The following CCPG1 variants were observed in gnomAD, a reference collection of about 807,000 sequenced individuals.
CCPG1 encodes cell cycle progression 1.
In CCPG1, 46 loss-of-function variants were observed where a neutral mutation model predicts 81.3. The observed-to-expected ratio is 0.57, with a 90% CI of 0.45 to 0.72. The LOEUF (loss-of-function observed/expected upper bound fraction) is 0.72. Among genes scored for constraint, CCPG1 ranks in the 30% least tolerant of loss-of-function variants. CCPG1 has a pLI of 0.00. For missense variants in CCPG1, 902 were observed against 937.6 expected, an observed-to-expected ratio of 0.96 and a Z score of 0.50; for synonymous variants, 330 against 305.2, an observed-to-expected ratio of 1.08 and a Z score of -0.85.
intron 1 of CCPG1, among the ~76,000 whole-genome samples, chr15:55,397,764 G>T (rs539271472): frequency 2.0e-5 from 3 of 152,142 alleles, no homozygotes; most frequent in African/African-American, 7.2e-5. Flanking sequence ...ATCACTTGAC[G>T]TAAGGAGTTC....
intron 1 of CCPG1, among the ~76,000 whole-genome samples, chr15:55,406,908 G>T (rs997085672): frequency 6.6e-6 from 1 of 151,848 alleles, no homozygotes. Context: ...CGCCCTCAGC[G>T]TAAAAGGTTA....
At chr15:55,394,520 CA>C in intron 1 of CCPG1, among the ~76,000 whole-genome samples, 1 of 151,654 alleles carries the variant, frequency 6.6e-6, no homozygotes, top group Admixed American at 6.6e-5. Context: ...TAACAGATTA[CA>C]AAAAAAAGTA....
rs547487951 is a variant in CCPG1 at position 55,364,724 on chromosome 15, T to A, written c.828+464A>T. Among the ~76,000 whole-genome samples, 7 of 150,206 alleles carry A rather than the reference T, an allele frequency of 4.7e-5. 1 individual carries two copies. Among genetic ancestry groups the A allele is most frequent in the Non-Finnish European group, 7.4e-5 (5 of 67,276 alleles). On this transcript the variant is annotated intron_variant, in intron 7 of 8. Transcript: ENST00000442196. ...CGTCTCTACTAAAAATACAAAAAAATTTGCCGGGCATAGAGGTGCACACCT... is the reference window on the plus strand; with the variant it reads ...CGTCTCTACTAAAAATACAAAAAAAATTGCCGGGCATAGAGGTGCACACCT...
Position 55,366,649 on chromosome 15 carries a change from G to A in CCPG1, c.707-1340C>T, listed in dbSNP as rs533783038. Among the ~76,000 whole-genome samples, 46 of 152,266 alleles carry A rather than the reference G, an allele frequency of 3.0e-4. 1 individual carries two copies. The South Asian group carries it at 8.3e-3, about 27-fold the overall frequency. On this transcript the variant is annotated intron_variant, in intron 6 of 8. Coordinates refer to ENST00000442196, the MANE Select transcript of CCPG1 (RefSeq NM_001204450.2). ...AGCCAGGGAGTGGTGGCATGTGCCT[G>A]TAATCCCAGCTACTCGGGAGGCTGC...
At position 55,363,799 on chromosome 15, in the gene CCPG1, CTTTTTTTTTTTTTT is replaced by C. The variant is rs565044184; in HGVS notation, c.828+1375_828+1388del. ...AATAGCTTACTTTTCTTTCCTTTTC[CTTTTTTTTTTTTTT>C]TTTTTTTTTTGAGACAGTCTTCCTC... On this transcript the variant is annotated intron_variant, in intron 7 of 8. Coordinates refer to ENST00000442196, the MANE Select transcript of CCPG1 (RefSeq NM_001204450.2). Among the ~76,000 whole-genome samples the C allele has an allele frequency of 2.7e-4, 25 of 93,940 alleles. 1 individual carries two copies. The highest frequency in any genetic ancestry group is 1.1e-3 in the African/African-American group (25 of 22,262). The allele number at this position is 93,940 out of a possible 152,430, so 61.6% of individuals were successfully genotyped here.
intron 1 of CCPG1, among the ~76,000 whole-genome samples, chr15:55,397,190 G>A (rs1024031747): frequency 6.6e-6 from 1 of 151,744 alleles, no homozygotes; most frequent in African/African-American, 2.4e-5. Flanking sequence ...CTCCAGCCTG[G>A]GCGACAGAGC....
In CCPG1 at chr15:55,356,529, T is replaced by C. The variant is rs1221090736; in HGVS notation, c.2235-120A>G. ...GAACACTGATAAAAGATATTAAATA[T>C]CTGAATTACAATCCTAGTATATCCA... is the stretch of plus-strand genomic sequence containing the variant. On this transcript the variant is annotated intron_variant, in intron 8 of 8. Transcript: ENST00000442196. 5 of 1,280,624 alleles carry C rather than the reference T, an allele frequency of 3.9e-6. No homozygotes were observed. In the African/African-American group the frequency reaches 7.6e-5, roughly 20 times the overall value. The allele number at this position is 1,280,624 out of a possible 1,614,324, so 79.3% of individuals were successfully genotyped here. A position where few individuals can be genotyped will look rare whatever the true frequency, so the allele number is the denominator to read the frequency against.
At chr15:55,390,907 T>C (rs2056901504) in intron 1 of CCPG1, among the ~76,000 whole-genome samples, 1 of 152,198 alleles carries the variant, frequency 6.6e-6, no homozygotes, top group Non-Finnish European at 1.5e-5. Flanking sequence ...GGTCATCTAA[T>C]TGTTTTATTT....
intron 3 of CCPG1, 117 bp downstream of exon 3, chr15:55,385,483 T>A: frequency 3.5e-6 from 2 of 567,582 alleles, no homozygotes; most frequent in Admixed American, 3.4e-5. Flanking sequence ...GAAGTTCTAA[T>A]CCTCCAACGA....
chr15:55,384,574 G>C (rs1792999279), intron 3 of CCPG1, among the ~76,000 whole-genome samples: 2 of 152,142 alleles, frequency 1.3e-5, no homozygotes, highest in African/African-American at 4.8e-5. Context: ...AGGATAACTT[G>C]AACCCAAGAG....
At chr15:55,407,486 A>G (rs1269145298) in intron 1 of CCPG1, among the ~76,000 whole-genome samples, 1 of 152,220 alleles carries the variant, frequency 6.6e-6, no homozygotes, top group Non-Finnish European at 1.5e-5. Context: ...TTCTAACTAC[A>G]AGAATGCCCA....
Position 55,355,610 on chromosome 15 carries a change from C to G in CCPG1, c.*610G>C. 2.3e-6 allele frequency: 1 copy of G among 438,312 alleles called. No individual in the cohort carries two copies. The allele number at this position is 438,312 out of a possible 1,614,324, so 27.2% of individuals were successfully genotyped here. ...CATAGTATAAAATTACATGTTAATA[C>G]AATGCCAGATTTTAAATAAAGACCT... On this transcript the variant is annotated 3_prime_UTR_variant, in exon 9 of 9. Transcript: ENST00000442196.
intron 1 of CCPG1, 73 bp downstream of exon 1, chr15:55,408,148 G>C: frequency 6.6e-6 from 1 of 152,462 alleles, no homozygotes; most frequent in East Asian, 1.9e-4. Flanking sequence ...CTACTGAGCC[G>C]AGCGTGTCGG....
intron 3 of CCPG1, among the ~76,000 whole-genome samples, chr15:55,381,393 G>A (rs1358674444): frequency 3.3e-5 from 5 of 151,982 alleles, no homozygotes; most frequent in African/African-American, 1.2e-4. Flanking sequence ...AGATCATTGC[G>A]CCACTGCACT....
At chr15:55,359,461 C>G (rs764358260) in intron 8 of CCPG1, 78 bp downstream of exon 8, 1 of 1,503,502 alleles carries the variant, frequency 6.7e-7, no homozygotes, top group African/African-American at 1.4e-5. Flanking sequence ...TTACAAGAAA[C>G]TCATCAAATC....
rs570992702 is a variant in CCPG1, at chr15:55,360,109, G to A, written c.1664C>T (p.Thr555Ile). Reference sequence around the variant, plus strand: ...TCTTGGTTTTTCAGCTGCTTCTTTTGTAGCACCAAATCTTTTATTACCCTT... The same window carrying A: ...TCTTGGTTTTTCAGCTGCTTCTTTTATAGCACCAAATCTTTTATTACCCTT... ...DEKGNKRFGA[T>I]KEAAEKPRTV... Residue 555 changes from threonine (T) to isoleucine (I), a missense_variant, in exon 8 of 9, where the codon ACA becomes ATA. Coordinates refer to ENST00000442196, the MANE Select transcript of CCPG1 (RefSeq NM_001204450.2). 2 of 1,613,710 alleles carry A rather than the reference G, an allele frequency of 1.2e-6. No individual in the cohort carries two copies. Among genetic ancestry groups the A allele is most frequent in the South Asian group, 1.1e-5 (1 of 91,048 alleles).
chr15:55,360,513 T>A lies in CCPG1; in HGVS notation c.1260A>T (p.Glu420Asp). 1 of 1,614,202 alleles carries A rather than the reference T, an allele frequency of 6.2e-7. No individual in the cohort carries two copies. Among genetic ancestry groups the A allele is most frequent in the East Asian group, 2.2e-5 (1 of 44,884 alleles). The change falls in exon 8 of 9, where the codon GAA (glutamate) becomes GAT (aspartate). Residue 420 changes from glutamate to aspartate, a missense_variant. This residue lies in a region of CCPG1 where 746 missense variants were observed against 728.6 expected (regional missense o/e 1.02). Transcript: ENST00000442196. ...GKSDSPNVYTEKKEIAILRER... is the reference protein window; with the variant it reads ...GKSDSPNVYTDKKEIAILRER... ...CCCGTAAGATTGCTATTTCCTTTTTTTCAGTATATACATTGGGAGAATCTG... is the reference window on the plus strand; with the variant it reads ...CCCGTAAGATTGCTATTTCCTTTTTATCAGTATATACATTGGGAGAATCTG...
chr15:55,380,560 G>T (rs921873027), intron 3 of CCPG1, among the ~76,000 whole-genome samples: 7 of 151,698 alleles, frequency 4.6e-5, no homozygotes, highest in Non-Finnish European at 8.8e-5. Flanking sequence ...CACCCAAAGT[G>T]CTGGGATTAT....
At chr15:55,367,579 T>C (rs941900268) in intron 6 of CCPG1, among the ~76,000 whole-genome samples, 2 of 151,512 alleles carry the variant, frequency 1.3e-5, no homozygotes, top group African/African-American at 2.4e-5. Flanking sequence ...TCAGAGCTTC[T>C]AGCCAACACA....
Sources: allele counts gnomAD v4.1 joint callset (sites outside exome capture counted in the v4.1 genomes callset), GRCh38; gene constraint gnomAD v4.1.1; regional missense constraint gnomAD v4.1.1; transcripts MANE v1.5; gene names NCBI Gene and HGNC (gene_info 2026-07-23, HGNC 2026-07-21).